Variants in AUTS2 observed in about 807,000 individuals in gnomAD.
AUTS2 encodes the protein activator of transcription and developmental regulator AUTS2.
A neutral mutation model predicts 112.4 loss-of-function variants in AUTS2; 17 were observed. The ratio of observed to expected loss-of-function variants is 0.15; its 90% confidence interval spans 0.10 to 0.23. AUTS2 has a LOEUF of 0.23. AUTS2 is among the 10% of genes least tolerant of loss of function. The probability of loss-of-function intolerance (pLI) is 1.00; values close to 1 mark genes in which losing one functional copy is unlikely to be tolerated. For missense variants in AUTS2, 1,510 were observed against 1,701.6 expected (o/e 0.89, Z 1.98); for synonymous variants, 751 against 702.7 (o/e 1.07, Z -1.09).
chr7:70,345,267 A>G lies in AUTS2; in HGVS notation c.661-90485A>G, dbSNP rs577325269. Among the ~76,000 whole-genome samples, 21 of 152,272 alleles carry G rather than the reference A, an allele frequency of 1.4e-4. No homozygotes were observed. In the South Asian group the frequency reaches 3.9e-3, roughly 29 times the overall value. On this transcript the variant is annotated intron_variant, in intron 4 of 18. Transcript: ENST00000342771. ...CTTCCCTCCAGAAAGTCTCCCATAC[A>G]GTTTTTCCCGCAAAGTGGCCCTCGA...
At chr7:69,633,620 T>C (rs1794377388) in intron 1 of AUTS2, among the ~76,000 whole-genome samples, 1 of 152,234 alleles carries the variant, frequency 6.6e-6, no homozygotes, top group South Asian at 2.1e-4. Context: ...TCTTTTTACT[T>C]TTTGATGTAA....
At chr7:69,840,962 A>G (rs1292858711) in intron 1 of AUTS2, among the ~76,000 whole-genome samples, 1 of 152,198 alleles carries the variant, frequency 6.6e-6, no homozygotes, top group African/African-American at 2.4e-5. Flanking sequence ...GAACAGAATA[A>G]TCTTATTAGA....
At chr7:70,022,504 A>G (rs2129555461) in intron 2 of AUTS2, among the ~76,000 whole-genome samples, 2 of 152,110 alleles carry the variant, frequency 1.3e-5, no homozygotes, top group Non-Finnish European at 2.9e-5. Flanking sequence ...TATTTTTAGT[A>G]GAGAAAGGGT....
chr7:70,070,682 C>G (rs554166253), intron 2 of AUTS2, among the ~76,000 whole-genome samples: 1 of 151,866 alleles, frequency 6.6e-6, no homozygotes. Context: ...ATGGCTAACA[C>G]GGTGAAACCC....
intron 5 of AUTS2, among the ~76,000 whole-genome samples, chr7:70,497,483 A>G (rs1478966405): frequency 1.3e-5 from 2 of 152,204 alleles, no homozygotes; most frequent in South Asian, 4.1e-4. Context: ...CTTTCTTGTT[A>G]TGTAACTGAG....
chr7:70,771,737 A>G, intron 11 of AUTS2, 93 bp downstream of exon 11: 1 of 1,109,418 alleles, frequency 9.0e-7, no homozygotes, highest in Middle Eastern at 2.8e-4. Context: ...TTGCCTGTGC[A>G]GTGACTCATT....
At chr7:70,061,134 A>G (rs1802226907) in intron 2 of AUTS2, among the ~76,000 whole-genome samples, 1 of 152,224 alleles carries the variant, frequency 6.6e-6, no homozygotes, top group Admixed American at 6.5e-5. Context: ...TGACCTCTCA[A>G]GGGTTCATTC....
intron 1 of AUTS2, among the ~76,000 whole-genome samples, chr7:69,740,714 C>T (rs1334460991): frequency 6.6e-6 from 1 of 151,918 alleles, no homozygotes. Flanking sequence ...TTAATAGAGA[C>T]GGACTTTCAC....
chr7:70,327,675 C>A (rs1007595183), intron 4 of AUTS2, among the ~76,000 whole-genome samples: 3 of 152,096 alleles, frequency 2.0e-5, no homozygotes, highest in African/African-American at 7.2e-5. Flanking sequence ...ATGTTCTGGG[C>A]GTAATCATCC....
rs1287296119 is a variant in AUTS2 at position 70,254,744 on chromosome 7, T to A, written c.660+120173T>A. On this transcript the variant is annotated intron_variant, in intron 4 of 18. Transcript: ENST00000342771. ...TTTCACAAATGTTATATTTGTAATA[T>A]CTTATGTAGCAGAGTATTCTCACAG... 2.0e-5 allele frequency among the ~76,000 whole-genome samples: 3 copies of A among 152,242 alleles called. No individual in the cohort carries two copies. The East Asian group carries it at 5.8e-4, about 29-fold the overall frequency.
chr7:70,114,600 C>T (rs1012690449), intron 2 of AUTS2, among the ~76,000 whole-genome samples: 5 of 151,990 alleles, frequency 3.3e-5, no homozygotes, highest in African/African-American at 1.2e-4. Context: ...TGAAACCAAC[C>T]TGACCAACAT....
rs552537994 is a variant in AUTS2 at position 70,644,879 on chromosome 7, A to T, written c.691-53690A>T. Among the ~76,000 whole-genome samples, 70 of 152,268 alleles carry T rather than the reference A, an allele frequency of 4.6e-4. 1 individual carries two copies. In the South Asian group the frequency reaches 0.014, roughly 31 times the overall value. ...ATGCGTAGTAGACCTTGGGTGAAGG[A>T]TGGCCCAGAAGTGTTTCTCCTGCTC... is the stretch of plus-strand genomic sequence containing the variant. On this transcript the variant is annotated intron_variant, in intron 5 of 18. Transcript: ENST00000342771.
At chr7:70,517,144 T>G (rs1383168594) in intron 5 of AUTS2, among the ~76,000 whole-genome samples, 1 of 152,194 alleles carries the variant, frequency 6.6e-6, no homozygotes, top group Non-Finnish European at 1.5e-5. Flanking sequence ...TTTGTTTTCT[T>G]ATAACAAGTA....
At chr7:69,781,558 G>C (rs1288352850) in intron 1 of AUTS2, among the ~76,000 whole-genome samples, 2 of 152,234 alleles carry the variant, frequency 1.3e-5, no homozygotes, top group Non-Finnish European at 2.9e-5. Context: ...TCAGCAGCCT[G>C]TTGGCAGAGG....
At chr7:70,510,278 A>G (rs540217880) in intron 5 of AUTS2, among the ~76,000 whole-genome samples, 1 of 152,334 alleles carries the variant, frequency 6.6e-6, no homozygotes, top group East Asian at 1.9e-4. Flanking sequence ...CTTAGGCACT[A>G]CAATTCTTTA....
At chr7:69,707,841 C>T (rs1001992685) in intron 1 of AUTS2, among the ~76,000 whole-genome samples, 6 of 152,144 alleles carry the variant, frequency 3.9e-5, no homozygotes, top group African/African-American at 1.2e-4. Flanking sequence ...CATTTTAACC[C>T]CATTTGGGCT....
At position 70,576,603 on chromosome 7, in the gene AUTS2, A is replaced by G. The variant is rs543570524; in HGVS notation, c.691-121966A>G. Among the ~76,000 whole-genome samples the G allele has an allele frequency of 9.2e-5, 14 of 152,296 alleles. 1 individual carries two copies. In the South Asian group the frequency reaches 2.7e-3, roughly 29 times the overall value. On this transcript the variant is annotated intron_variant, in intron 5 of 18. Coordinates refer to ENST00000342771, the MANE Select transcript of AUTS2 (RefSeq NM_015570.4). ...AACCGAGAATCAACATCTTCTGTGT[A>G]ATTTCCAGGAAATGCCTTTCAAACT...
intron 5 of AUTS2, among the ~76,000 whole-genome samples, chr7:70,514,912 T>C (rs914675832): frequency 4.6e-5 from 7 of 152,246 alleles, no homozygotes; most frequent in Non-Finnish European, 8.8e-5. Context: ...ATTGAGCATC[T>C]TTTTACACAT....
chr7:69,611,630 T>TTTTAAA, intron 1 of AUTS2, among the ~76,000 whole-genome samples: 1 of 152,236 alleles, frequency 6.6e-6, no homozygotes, highest in Non-Finnish European at 1.5e-5. Flanking sequence ...CCTCTGTTGA[T>TTTTAAA]CATTTTTTAA....
Sources: gnomAD v4.1 joint callset for allele counts (sites outside exome capture counted in the v4.1 genomes callset) on GRCh38, gnomAD v4.1.1 for gene constraint, MANE v1.5 for transcripts, NCBI Gene and HGNC (gene_info 2026-07-23, HGNC 2026-07-21) for gene names.